SMTNL2: variants seen among roughly 807,000 people sequenced by gnomAD.
The protein encoded by SMTNL2 is smoothelin like 2, also known as smoothelin-like protein 2.
SMTNL2 carries 43 observed loss-of-function variants against 44.1 expected under a neutral mutation model. The ratio of observed to expected loss-of-function variants is 0.98; its 90% CI spans 0.76 to 1.26. SMTNL2 has a LOEUF of 1.26. Among genes scored for constraint, SMTNL2 ranks in the 50% most tolerant of loss-of-function variants. The pLI, the probability that SMTNL2 is intolerant of heterozygous loss-of-function variation, is 0.00. For synonymous variants in SMTNL2, 317 were observed against 287.6 expected (o/e 1.10, Z -1.03); for missense variants, 646 against 670.2 (o/e 0.96, Z 0.40).
At chr17:4,606,643 G>A (rs552735743) in intron 7 of SMTNL2, among the ~76,000 whole-genome samples, 28 of 151,538 alleles carry the variant, frequency 1.8e-4, no homozygotes, top group South Asian at 8.4e-4. Context: ...GGTGTCTCAC[G>A]CCTGTAATCA....
In SMTNL2 at chr17:4,607,541, GCTTGCGATTCCC is replaced by G; in HGVS notation, c.*56_*67del. ...AGCCCCAGGAAGAGGCCGGGGGTCC[GCTTGCGATTCCC>G]CAGCCAGGATGCCCCCAGGAGCCTT... is the stretch of plus-strand genomic sequence containing the variant. On this transcript the variant is annotated 3_prime_UTR_variant, in exon 8 of 8. Coordinates refer to ENST00000389313, the MANE Select transcript of SMTNL2 (RefSeq NM_001114974.2). This position sits in a 1 kb window ranked among gnomAD's most constrained non-coding sequence, Gnocchi z 4.7. 4 of 1,588,944 alleles carry G rather than the reference GCTTGCGATTCCC, an allele frequency of 2.5e-6. No individual in the cohort carries two copies. The highest frequency in any genetic ancestry group is 3.4e-6 in the Non-Finnish European group (4 of 1,163,122).
At position 4,607,273 on chromosome 17, in the gene SMTNL2, T is replaced by A; in HGVS notation, c.1260-88T>A. 1 of 1,584,324 alleles carries A rather than the reference T, an allele frequency of 6.3e-7. No individual in the cohort carries two copies. The highest frequency in any genetic ancestry group is 2.3e-5 in the East Asian group (1 of 44,314). Reference sequence around the variant, plus strand: ...ACCTCTGGCTGCCGGCTGAGCTCTGTTCCCGGGACCGAGACACCGGCCCTG... The same window carrying A: ...ACCTCTGGCTGCCGGCTGAGCTCTGATCCCGGGACCGAGACACCGGCCCTG... On this transcript the variant is annotated intron_variant, in intron 7 of 7. Coordinates refer to ENST00000389313, the MANE Select transcript of SMTNL2 (RefSeq NM_001114974.2). The surrounding 1 kb of genome is among the most constrained non-coding windows in gnomAD (Gnocchi z 4.7).
Position 4,584,961 on chromosome 17 carries a change from G to A in SMTNL2, c.356G>A (p.Arg119His). Residue 119 changes from arginine to histidine, a missense_variant, in exon 1 of 8, where the codon CGC (arginine) becomes CAC (histidine). Transcript: ENST00000389313. The part of the protein sequence containing the change: ...PDRAPRLGSA[R>H]FASHATFSLS... ...CGCGCGCCCCGCCTGGGCAGCGCAC[G>A]CTTCGCCAGCCACGCCACCTTCTCG... 1 of 1,370,782 alleles carries A rather than the reference G, an allele frequency of 7.3e-7. No individual in the cohort carries two copies. Among genetic ancestry groups the A allele is most frequent in the Non-Finnish European group, 9.4e-7 (1 of 1,063,956 alleles). 84.9% of individuals were successfully genotyped at this position (1,370,782 alleles called of 1,614,324 possible).
rs770389259 is a variant in SMTNL2 at position 4,592,941 on chromosome 17, G to T, written c.500G>T (p.Gly167Val). 2 of 1,611,902 alleles carry T rather than the reference G, an allele frequency of 1.2e-6. No individual in the cohort carries two copies. Among genetic ancestry groups the T allele is most frequent in the Non-Finnish European group, 1.7e-6 (2 of 1,178,490 alleles). Residue 167 changes from glycine (G) to valine (V), a missense_variant, in exon 3 of 8, where the codon GGA (glycine) becomes GTA (valine). Coordinates refer to ENST00000389313, the MANE Select transcript of SMTNL2 (RefSeq NM_001114974.2). This position sits in a 1 kb window ranked among gnomAD's most constrained non-coding sequence, Gnocchi z 4.5. ...GHQPGAGPGD[G>V]PPEIAQNFSA... Reference sequence around the variant, plus strand: ...TCACATGTTCCAGGTCCAGGCGATGGACCCCCTGAGATTGCCCAAAACTTC... The same window carrying T: ...TCACATGTTCCAGGTCCAGGCGATGTACCCCCTGAGATTGCCCAAAACTTC...
rs1399331222 is a variant in SMTNL2, at chr17:4,600,179, A to C, written c.1259+2856A>C. ...CTGCCTGGGGCCTCTGGGGAGGACG[A>C]CAGCTTGGATCACCTCATTTGTTGG... On this transcript the variant is annotated intron_variant, in intron 7 of 7. Coordinates refer to ENST00000389313, the MANE Select transcript of SMTNL2 (RefSeq NM_001114974.2). The surrounding 1 kb of genome is among the most constrained non-coding windows in gnomAD (Gnocchi z 4.7). 6.6e-6 allele frequency among the ~76,000 whole-genome samples: 1 copy of C among 152,192 alleles called. No individual in the cohort carries two copies. The highest frequency in any genetic ancestry group is 2.4e-5 in the African/African-American group (1 of 41,434).
At chr17:4,593,970 C>A (rs557023414) in intron 4 of SMTNL2, 73 bp downstream of exon 4, 1 of 1,551,782 alleles carries the variant, frequency 6.4e-7, no homozygotes, top group South Asian at 1.1e-5. Context: ...GCAGGCCGCC[C>A]AGGGTTGGCC....
At position 4,593,766 on chromosome 17, in the gene SMTNL2, T is replaced by C. The variant is rs143846648; in HGVS notation, c.731-56T>C. 4.2e-4 allele frequency: 651 copies of C among 1,550,990 alleles called. 4 individuals are homozygous for C. In the East Asian group the frequency reaches 0.013, roughly 31 times the overall value. Reference sequence around the variant, plus strand: ...GGCTGGGTCAGAGGAAGGGAGGCTATGGCGGGCCCTCCCTGGGGCCAGGGT... The same window carrying C: ...GGCTGGGTCAGAGGAAGGGAGGCTACGGCGGGCCCTCCCTGGGGCCAGGGT... On this transcript the variant is annotated intron_variant, in intron 3 of 7. Transcript: ENST00000389313.
chr17:4,607,730 A>C lies in SMTNL2; in HGVS notation c.*243A>C, dbSNP rs1193655556. The C allele has an allele frequency of 6.3e-6, 3 of 477,796 alleles. No homozygotes were observed. Among genetic ancestry groups the C allele is most frequent in the Non-Finnish European group, 7.2e-6 (2 of 276,422 alleles). The allele number at this position is 477,796 out of a possible 1,614,324, so 29.6% of individuals were successfully genotyped here. On this transcript the variant is annotated 3_prime_UTR_variant, in exon 8 of 8. Coordinates refer to ENST00000389313, the MANE Select transcript of SMTNL2 (RefSeq NM_001114974.2). The surrounding 1 kb of genome is among the most constrained non-coding windows in gnomAD (Gnocchi z 4.7). ...TTGGAGGAAAAGGAAAAATTATGAG[A>C]GAGAGAGAGACATTGGTGCTAAGTA...
rs144022169 is a variant in SMTNL2, at chr17:4,600,011, C to G, written c.1259+2688C>G. 3.3e-5 allele frequency among the ~76,000 whole-genome samples: 5 copies of G among 151,894 alleles called. No homozygotes were observed. Among genetic ancestry groups the G allele is most frequent in the Admixed American group, 3.3e-4 (5 of 15,238 alleles). On this transcript the variant is annotated intron_variant, in intron 7 of 7. Coordinates refer to ENST00000389313, the MANE Select transcript of SMTNL2 (RefSeq NM_001114974.2). This position sits in a 1 kb window ranked among gnomAD's most constrained non-coding sequence, Gnocchi z 4.7. The stretch of plus-strand genomic sequence containing the variant: ...TCTTGCTTTTCTGCTGACTCGAGGG[C>G]GTGGGGAGGGGCGTCCACCGCAGGC...
chr17:4,584,752 G>A lies in SMTNL2; in HGVS notation c.147G>A (p.Ala49=). The A allele has an allele frequency of 7.6e-7, 1 of 1,308,590 alleles. No homozygotes were observed. Among genetic ancestry groups the A allele is most frequent in the South Asian group, 2.1e-5 (1 of 47,982 alleles). The allele number at this position is 1,308,590 out of a possible 1,614,324, so 81.1% of individuals were successfully genotyped here. The change falls in exon 1 of 8, where the codon GCG becomes GCA. Residue 49 remains alanine (A), a synonymous_variant. Coordinates refer to ENST00000389313, the MANE Select transcript of SMTNL2 (RefSeq NM_001114974.2). The stretch of plus-strand genomic sequence containing the variant: ...GCGTGGAGCGGCGAGTGGCAGAGGC[G>A]ATGCGCCTGGCCGGCCCCCTGGCGC... The part of the protein sequence containing the change: ...QRGVERRVAE[A]MRLAGPLART...
chr17:4,605,153 G>GC (rs1910216818), intron 7 of SMTNL2, among the ~76,000 whole-genome samples: 1 of 82,250 alleles, frequency 1.2e-5, no homozygotes, highest in East Asian at 3.6e-4. Flanking sequence ...TTTTTGTTTG[G>GC]TTTTTTTTTT....
At chr17:4,601,989 G>T (rs1910056364) in intron 7 of SMTNL2, among the ~76,000 whole-genome samples, 1 of 151,994 alleles carries the variant, frequency 6.6e-6, no homozygotes, top group Non-Finnish European at 1.5e-5. Flanking sequence ...GTTTTGTCCA[G>T]CCTATGTCTG....
intron 7 of SMTNL2, among the ~76,000 whole-genome samples, chr17:4,605,626 A>C (rs1159656782): frequency 6.6e-6 from 1 of 152,156 alleles, no homozygotes; most frequent in Admixed American, 6.6e-5. Context: ...TATAGCTCGG[A>C]AGAGATGGAG....
At position 4,600,732 on chromosome 17, in the gene SMTNL2, G is replaced by A. The variant is rs1234362546; in HGVS notation, c.1259+3409G>A. On this transcript the variant is annotated intron_variant, in intron 7 of 7. Coordinates refer to ENST00000389313, the MANE Select transcript of SMTNL2 (RefSeq NM_001114974.2). This position sits in a 1 kb window ranked among gnomAD's most constrained non-coding sequence, Gnocchi z 4.7. ...ATGGAAGGGGCTGAGTCGGGCGGGC[G>A]CCTGACCCTTCTGCACCCGTCCTTT... 1.3e-5 allele frequency among the ~76,000 whole-genome samples: 2 copies of A among 152,166 alleles called. No individual in the cohort carries two copies. Among genetic ancestry groups the A allele is most frequent in the Admixed American group, 6.5e-5 (1 of 15,272 alleles).
chr17:4,606,171 G>C (rs1910270363), intron 7 of SMTNL2, among the ~76,000 whole-genome samples: 1 of 151,994 alleles, frequency 6.6e-6, no homozygotes, highest in African/African-American at 2.4e-5. Flanking sequence ...CCCCAGGCTG[G>C]AGTGCAATCG....
intron 7 of SMTNL2, among the ~76,000 whole-genome samples, chr17:4,605,349 C>T (rs1910228637): frequency 1.3e-5 from 2 of 151,744 alleles, no homozygotes; most frequent in Admixed American, 6.6e-5. Context: ...TTTATAGAGA[C>T]GGGGTTTTGC....
chr17:4,592,254 T>G lies in SMTNL2; in HGVS notation c.400-107T>G. The G allele has an allele frequency of 2.9e-6, 3 of 1,031,788 alleles. No individual in the cohort carries two copies. The highest frequency in any genetic ancestry group is 4.4e-6 in the Non-Finnish European group (3 of 683,936). The allele number at this position is 1,031,788 out of a possible 1,614,324, so 63.9% of individuals were successfully genotyped here. A position where few individuals can be genotyped will look rare whatever the true frequency, so the allele number is the denominator to read the frequency against. On this transcript the variant is annotated intron_variant, in intron 1 of 7. Coordinates refer to ENST00000389313, the MANE Select transcript of SMTNL2 (RefSeq NM_001114974.2). This position sits in a 1 kb window ranked among gnomAD's most constrained non-coding sequence, Gnocchi z 4.5. ...TCCTGGGGGCTGTTTTCTCTCAACATGATTGGTGTTTTGCCAGAACGGGAG... is the reference window on the plus strand; with the variant it reads ...TCCTGGGGGCTGTTTTCTCTCAACAGGATTGGTGTTTTGCCAGAACGGGAG...
intron 1 of SMTNL2, among the ~76,000 whole-genome samples, chr17:4,585,597 G>A (rs1909315356): frequency 6.6e-6 from 1 of 152,236 alleles, no homozygotes; most frequent in African/African-American, 2.4e-5. Context: ...CTTGAGCCGT[G>A]TCTAGATTCC....
At chr17:4,584,526 G>A, upstream of SMTNL2, 1 of 1,204,860 alleles carries the variant, frequency 8.3e-7, no homozygotes, top group Non-Finnish European at 1.0e-6. Context: ...GCCACGGACG[G>A]CCAGTCGCGG....
Sources: allele counts gnomAD v4.1 joint callset (sites outside exome capture counted in the v4.1 genomes callset), GRCh38; gene constraint gnomAD v4.1.1; non-coding constraint Gnocchi (gnomAD v3.1); transcripts MANE v1.5; gene names NCBI Gene and HGNC (gene_info 2026-07-23, HGNC 2026-07-21).